QTMAN: variants seen among roughly 807,000 people sequenced by gnomAD.
The protein encoded by QTMAN is tRNA-queuosine alpha-mannosyltransferase.
chr2:144,182,811 A>G, the QTMAN span, among the ~76,000 whole-genome samples: 1 of 61,980 alleles, frequency 1.6e-5, no homozygotes, highest in South Asian at 3.9e-4. Flanking sequence ...TATATATAAT[A>G]TATATATTAT....
the QTMAN span, among the ~76,000 whole-genome samples, chr2:143,950,440 CT>C: frequency 6.6e-6 from 1 of 151,618 alleles, no homozygotes; most frequent in Non-Finnish European, 1.5e-5. Flanking sequence ...TTTGCAGTGA[CT>C]TTTGAAATGG....
the QTMAN span, chr2:143,957,448 T>A: frequency 1.7e-6 from 1 of 583,696 alleles, no homozygotes; most frequent in Non-Finnish European, 2.7e-6. Context: ...CTGCTTATTT[T>A]AACGAACTTC....
chr2:144,198,698 G>A, the QTMAN span, among the ~76,000 whole-genome samples: 4 of 152,066 alleles, frequency 2.6e-5, no homozygotes, highest in Non-Finnish European at 4.4e-5. Context: ...AGTTTGTATC[G>A]CACAAAAGAG....
At chr2:144,208,032 T>C in the QTMAN span, among the ~76,000 whole-genome samples, 2 of 152,022 alleles carry the variant, frequency 1.3e-5, no homozygotes, top group African/African-American at 4.8e-5. Context: ...CGCTTTCTAA[T>C]AGGTCCTCCT....
chr2:144,133,171 TAAATATATATAATATAA>T, the QTMAN span, among the ~76,000 whole-genome samples: 1 of 47,410 alleles, frequency 2.1e-5, no homozygotes, highest in African/African-American at 9.4e-5. Flanking sequence ...AATATATATA[TAAATATATATAATATAA>T]ATTTATATAT....
the QTMAN span, among the ~76,000 whole-genome samples, chr2:143,952,491 G>C: frequency 1.3e-5 from 2 of 151,222 alleles, no homozygotes; most frequent in South Asian, 4.2e-4. Flanking sequence ...GTAAGCAATT[G>C]CAGCAACACT....
chr2:144,087,962 A>G, the QTMAN span, among the ~76,000 whole-genome samples: 3 of 152,070 alleles, frequency 2.0e-5, no homozygotes, highest in Admixed American at 2.0e-4. Flanking sequence ...CAGCCAGAGC[A>G]GTCAGACAAT....
chr2:143,952,732 A>G, the QTMAN span: 1 of 1,245,314 alleles, frequency 8.0e-7, no homozygotes, highest in Non-Finnish European at 1.2e-6. Context: ...TGAATCATAT[A>G]TTAAATCTCA....
At chr2:143,940,056 T>C in the QTMAN span, 1 of 152,230 alleles carries the variant, frequency 6.6e-6, no homozygotes, top group African/African-American at 2.4e-5. Flanking sequence ...GTACAATTTT[T>C]ATGCATCCTT....
the QTMAN span, among the ~76,000 whole-genome samples, chr2:144,043,880 G>GC: frequency 2.0e-5 from 3 of 152,082 alleles, no homozygotes; most frequent in Non-Finnish European, 4.4e-5. Flanking sequence ...AAGGAAAATG[G>GC]CTGTGAAAAC....
At chr2:144,219,540 A>T in the QTMAN span, among the ~76,000 whole-genome samples, 1 of 151,832 alleles carries the variant, frequency 6.6e-6, no homozygotes, top group Non-Finnish European at 1.5e-5. Context: ...GCTGTATCAG[A>T]CCAGGCACAA....
chr2:143,974,719 G>C, the QTMAN span, among the ~76,000 whole-genome samples: 1 of 147,860 alleles, frequency 6.8e-6, no homozygotes, highest in African/African-American at 2.5e-5. Context: ...GTTTTTTTTT[G>C]CATGTTTTCT....
the QTMAN span, among the ~76,000 whole-genome samples, chr2:144,001,347 T>A: frequency 6.6e-6 from 1 of 151,982 alleles, no homozygotes; most frequent in Admixed American, 6.6e-5. Flanking sequence ...TTTACTTCAG[T>A]GACTCACCTA....
the QTMAN span, among the ~76,000 whole-genome samples, chr2:144,240,080 T>A: frequency 6.6e-6 from 1 of 152,188 alleles, no homozygotes; most frequent in Non-Finnish European, 1.5e-5. Flanking sequence ...AAATGCAGTT[T>A]AATGGGCCTA....
chr2:144,020,793 A>G, the QTMAN span, among the ~76,000 whole-genome samples: 2 of 152,214 alleles, frequency 1.3e-5, no homozygotes, highest in Non-Finnish European at 2.9e-5. Context: ...ACTTAAAAAA[A>G]AACCTATAAG....
At chr2:144,150,321 C>A in the QTMAN span, among the ~76,000 whole-genome samples, 1 of 152,002 alleles carries the variant, frequency 6.6e-6, no homozygotes, top group Non-Finnish European at 1.5e-5. Context: ...CCCTCTCATG[C>A]ATTCCTGTTC....
the QTMAN span, among the ~76,000 whole-genome samples, chr2:144,133,129 ATATATATATATATATATATAT>A: frequency 4.6e-5 from 2 of 43,712 alleles, no homozygotes; most frequent in Non-Finnish European, 7.7e-5. Flanking sequence ...ATATATATAT[ATATATATATATATATATATAT>A]AATATAATAT....
chr2:144,106,493 T>C, the QTMAN span, among the ~76,000 whole-genome samples: 1 of 151,986 alleles, frequency 6.6e-6, no homozygotes, highest in Non-Finnish European at 1.5e-5. Context: ...CCTACAAAGA[T>C]CAAAAGAGAC....
chr2:144,050,738 A>G, the QTMAN span, among the ~76,000 whole-genome samples: 1 of 152,140 alleles, frequency 6.6e-6, no homozygotes, highest in Admixed American at 6.5e-5. Flanking sequence ...TTTTGTCAGT[A>G]GTCAGCTGTG....
Sources: allele counts gnomAD v4.1 joint callset (sites outside exome capture counted in the v4.1 genomes callset), GRCh38; gene constraint gnomAD v4.1.1; transcripts MANE v1.5; gene names NCBI Gene and HGNC (gene_info 2026-07-23, HGNC 2026-07-21).